The following FNIP1 variants were observed in gnomAD, a reference collection of about 807,000 sequenced individuals.
The protein encoded by FNIP1 is folliculin interacting protein 1, also known as folliculin-interacting protein 1.
A neutral mutation model predicts 124.5 loss-of-function variants in FNIP1; 40 were observed. The observed-to-expected ratio is 0.32, with a 90% CI of 0.25 to 0.42. The LOEUF (loss-of-function observed/expected upper bound fraction) is 0.42. Among genes scored for constraint, FNIP1 ranks in the 10% least tolerant of loss-of-function variants. The pLI is 1.00. For missense variants in FNIP1, 1,176 were observed against 1,403.7 expected (o/e 0.84, Z 2.59); for synonymous variants, 472 against 470.6 (o/e 1.00, Z -0.04).
At chr5:131,683,358 C>T (rs1768152282) in intron 11 of FNIP1, among the ~76,000 whole-genome samples, 1 of 151,708 alleles carries the variant, frequency 6.6e-6, no homozygotes, top group Non-Finnish European at 1.5e-5. Context: ...ACCATCCTGG[C>T]TAACACGGAG....
In FNIP1 at chr5:131,641,732, T is replaced by G. The variant is rs1354518175; in HGVS notation, c.*2953A>C. 6.5e-6 allele frequency: 1 copy of G among 152,788 alleles called. No individual in the cohort carries two copies. Among genetic ancestry groups the G allele is most frequent in the Non-Finnish European group, 1.5e-5 (1 of 68,042 alleles). The allele number at this position is 152,788 out of a possible 1,614,324, so 9.5% of individuals were successfully genotyped here. On this transcript the variant is annotated 3_prime_UTR_variant, in exon 18 of 18. Coordinates refer to ENST00000510461, the MANE Select transcript of FNIP1 (RefSeq NM_133372.3). Reference sequence around the variant, plus strand: ...CCATCCATCAAGTTGACATGTGTATTTATTGCACAAATATCCCCTAGAACT... The same window carrying G: ...CCATCCATCAAGTTGACATGTGTATGTATTGCACAAATATCCCCTAGAACT...
intron 1 of FNIP1, among the ~76,000 whole-genome samples, chr5:131,769,805 A>C (rs949960626): frequency 6.6e-6 from 1 of 152,226 alleles, no homozygotes; most frequent in Non-Finnish European, 1.5e-5. Flanking sequence ...TTACAGAAGC[A>C]ATTACGACTG....
chr5:131,677,124 T>C (rs1767934707), intron 13 of FNIP1, among the ~76,000 whole-genome samples: 8 of 152,228 alleles, frequency 5.3e-5, no homozygotes, highest in Admixed American at 4.6e-4. Context: ...TCCTACTTTA[T>C]GAATAAGGAA....
chr5:131,683,028 G>A (rs1054934110), intron 11 of FNIP1, among the ~76,000 whole-genome samples: 4 of 152,192 alleles, frequency 2.6e-5, no homozygotes, highest in African/African-American at 9.6e-5. Context: ...TAGCTTTCAT[G>A]GTTTCTGTAC....
chr5:131,718,243 T>G (rs1162186533), intron 5 of FNIP1, among the ~76,000 whole-genome samples: 1 of 152,008 alleles, frequency 6.6e-6, no homozygotes, highest in African/African-American at 2.4e-5. Context: ...TTACAGGTAT[T>G]AGAAACTTAG....
chr5:131,775,355 T>A (rs1771765361), intron 1 of FNIP1, among the ~76,000 whole-genome samples: 1 of 152,106 alleles, frequency 6.6e-6, no homozygotes, highest in Non-Finnish European at 1.5e-5. Flanking sequence ...CATGTAAACA[T>A]TTATCAGTAT....
chr5:131,785,848 A>T (rs1772199497), intron 1 of FNIP1, among the ~76,000 whole-genome samples: 1 of 152,092 alleles, frequency 6.6e-6, no homozygotes, highest in South Asian at 2.1e-4. Context: ...CTTTGAAAAT[A>T]TTTATTTTTT....
Position 131,716,969 on chromosome 5 carries a change from G to A in FNIP1, c.531-313C>T, listed in dbSNP as rs1340698949. 4.0e-5 allele frequency among the ~76,000 whole-genome samples: 6 copies of A among 151,278 alleles called. No homozygotes were observed. The East Asian group carries it at 1.2e-3, about 29-fold the overall frequency. Reference sequence around the variant, plus strand: ...TACAACCCATTGTCTGGCTCACAAAGCCAAAAAAATATATATATATTTTTT... The same window carrying A: ...TACAACCCATTGTCTGGCTCACAAAACCAAAAAAATATATATATATTTTTT... On this transcript the variant is annotated intron_variant, in intron 5 of 17. Coordinates refer to ENST00000510461, the MANE Select transcript of FNIP1 (RefSeq NM_133372.3).
chr5:131,682,035 T>C (rs942210840), intron 11 of FNIP1, among the ~76,000 whole-genome samples: 1 of 152,146 alleles, frequency 6.6e-6, no homozygotes, highest in African/African-American at 2.4e-5. Context: ...CTGGGAAGAA[T>C]GGGGTGAGTA....
chr5:131,733,376 G>A (rs1770168365), intron 2 of FNIP1, among the ~76,000 whole-genome samples: 2 of 152,180 alleles, frequency 1.3e-5, no homozygotes, highest in Admixed American at 6.5e-5. Flanking sequence ...TTGAATAGGA[G>A]TGGTGAGAGA....
chr5:131,697,495 T>C (rs1237991603), intron 11 of FNIP1, among the ~76,000 whole-genome samples: 23 of 152,166 alleles, frequency 1.5e-4, no homozygotes, highest in Admixed American at 1.4e-3. Flanking sequence ...GTAAAGCATA[T>C]TGTTTCCCTA....
intron 1 of FNIP1, among the ~76,000 whole-genome samples, chr5:131,794,910 T>C (rs1772531319): frequency 2.0e-5 from 3 of 152,366 alleles, no homozygotes; most frequent in Middle Eastern, 3.4e-3. Context: ...TTTTGGGTGA[T>C]GGAAGTGTTC....
chr5:131,793,053 G>C (rs1306901633), intron 1 of FNIP1, among the ~76,000 whole-genome samples: 1 of 151,896 alleles, frequency 6.6e-6, no homozygotes, highest in Non-Finnish European at 1.5e-5. Context: ...TTTGAGACAG[G>C]ATTTCACTCT....
intron 1 of FNIP1, among the ~76,000 whole-genome samples, chr5:131,773,766 C>T (rs1256455641): frequency 6.6e-6 from 1 of 151,914 alleles, no homozygotes; most frequent in Admixed American, 6.6e-5. Flanking sequence ...CTTTATAATC[C>T]TCTATGAATT....
chr5:131,750,056 C>T (rs984949314), intron 1 of FNIP1, among the ~76,000 whole-genome samples: 9 of 152,084 alleles, frequency 5.9e-5, no homozygotes, highest in South Asian at 2.1e-4. Flanking sequence ...TGAACTAGGA[C>T]GATGTACTGG....
chr5:131,682,545 C>T (rs1359145901), intron 11 of FNIP1, among the ~76,000 whole-genome samples: 1 of 151,854 alleles, frequency 6.6e-6, no homozygotes, highest in Non-Finnish European at 1.5e-5. Context: ...ATGGCAAAAT[C>T]CCGTCTACTA....
intron 1 of FNIP1, among the ~76,000 whole-genome samples, chr5:131,771,391 A>G (rs142417877): frequency 7.4e-4 from 113 of 152,308 alleles, no homozygotes; most frequent in South Asian, 6.2e-3. Flanking sequence ...TTGTTTTTCC[A>G]CTGAAGGGTT....
Position 131,679,123 on chromosome 5 carries a change from G to C in FNIP1, c.1255C>G (p.Leu419Val). 1 of 1,603,722 alleles carries C rather than the reference G, an allele frequency of 6.2e-7. No homozygotes were observed. The highest frequency in any genetic ancestry group is 8.5e-7 in the Non-Finnish European group (1 of 1,170,956). Residue 419 changes from leucine (L) to valine (V), a missense_variant, in exon 12 of 18, where the codon CTT becomes GTT. By Grantham distance (32) the Leu-to-Val change is conservative (BLOSUM62 1). Transcript: ENST00000510461. ...TCTGGAGTCCCCGACATCATTGTAA[G>C]CCAGACAGGTTCTCCAATTCGTGGC... ...TMPRIGEPVW[L>V]TMMSGTPEKN...
In FNIP1 at chr5:131,706,470, G is replaced by A. The variant is rs1769116792; in HGVS notation, c.855C>T (p.Tyr285=). 1 of 1,613,312 alleles carries A rather than the reference G, an allele frequency of 6.2e-7. No homozygotes were observed. Residue 285 remains tyrosine (Y), a synonymous_variant, in exon 9 of 18, where the codon TAC becomes TAT. Transcript: ENST00000510461. ...TTTGGCTGCGTCGCCAACGTCGCTG[G>A]TAGCTGCTGGCACAACTTCGGGTAA... ...SSLTRSCASS[Y]QRRWRRSQTT...
Sources: allele counts gnomAD v4.1 joint callset (sites outside exome capture counted in the v4.1 genomes callset), GRCh38; gene constraint gnomAD v4.1.1; transcripts MANE v1.5; gene names NCBI Gene and HGNC (gene_info 2026-07-23, HGNC 2026-07-21).